Variants in PARD3B observed in about 807,000 individuals in gnomAD.
The protein encoded by PARD3B is par-3 family cell polarity regulator beta.
A neutral mutation model predicts 130.2 loss-of-function variants in PARD3B; 103 were observed. The observed-to-expected ratio is 0.79, with a 90% CI of 0.67 to 0.93. PARD3B has a LOEUF of 0.93. PARD3B is among the 40% of genes least tolerant of loss of function. The pLI, the probability that PARD3B is intolerant of heterozygous loss-of-function variation, is 0.00. For missense variants in PARD3B, 1,609 were observed against 1,499.2 expected, an observed-to-expected ratio of 1.07 and a Z score of -1.21; for synonymous variants, 583 against 553.2, an observed-to-expected ratio of 1.05 and a Z score of -0.76.
intron 19 of PARD3B, among the ~76,000 whole-genome samples, chr2:205,438,639 C>T (rs1490412774): frequency 6.6e-6 from 1 of 152,238 alleles, no homozygotes; most frequent in South Asian, 2.1e-4. Flanking sequence ...TCTTCTTTAT[C>T]AAAAATTACT....
At chr2:204,852,657 G>A (rs2044757502) in intron 2 of PARD3B, among the ~76,000 whole-genome samples, 1 of 150,932 alleles carries the variant, frequency 6.6e-6, no homozygotes, top group African/African-American at 2.5e-5. Context: ...GTCTTAATGT[G>A]CTTGAGACAT....
At chr2:204,913,389 A>G (rs1347932772) in intron 2 of PARD3B, among the ~76,000 whole-genome samples, 1 of 152,162 alleles carries the variant, frequency 6.6e-6, no homozygotes, top group African/African-American at 2.4e-5. Context: ...TGCTGACCTT[A>G]TATGACTTTT....
rs555501210 is a variant in PARD3B at position 205,039,966 on chromosome 2, G to A, written c.395-7615G>A. Among the ~76,000 whole-genome samples the A allele has an allele frequency of 2.0e-5, 3 of 151,806 alleles. No individual in the cohort carries two copies. In the South Asian group the frequency reaches 6.2e-4, roughly 31 times the overall value. ...GCTTCAGTTCTTTTTTTTGTTTGTT[G>A]TGTTTGTTTGTTTTTGAGACAGAGT... is the stretch of plus-strand genomic sequence containing the variant. On this transcript the variant is annotated intron_variant, in intron 3 of 22. Coordinates refer to ENST00000406610, the MANE Select transcript of PARD3B (RefSeq NM_001302769.2).
chr2:205,505,403 A>AATAAT (rs1218911853), intron 21 of PARD3B, among the ~76,000 whole-genome samples: 7 of 151,960 alleles, frequency 4.6e-5, no homozygotes, highest in Admixed American at 1.3e-4. Flanking sequence ...AATAAAATAA[A>AATAAT]ATAAAATAAA....
At chr2:205,153,900 A>T (rs182335517) in intron 10 of PARD3B, among the ~76,000 whole-genome samples, 1 of 152,354 alleles carries the variant, frequency 6.6e-6, no homozygotes, top group Admixed American at 6.5e-5. Flanking sequence ...TTAATTCAAG[A>T]TGGATTAAAG....
At position 204,611,727 on chromosome 2, in the gene PARD3B, C is replaced by A. The variant is rs1356318176; in HGVS notation, c.120+65608C>A. Among the ~76,000 whole-genome samples, 4 of 152,292 alleles carry A rather than the reference C, an allele frequency of 2.6e-5. No homozygotes were observed. The East Asian group carries it at 7.7e-4, about 29-fold the overall frequency. ...ATATACATGTATGGACTAATTCGGA[C>A]AAAGTCTCCAATTATTTTAAAATAT... is the stretch of plus-strand genomic sequence containing the variant. On this transcript the variant is annotated intron_variant, in intron 1 of 22. Coordinates refer to ENST00000406610, the MANE Select transcript of PARD3B (RefSeq NM_001302769.2).
intron 4 of PARD3B, among the ~76,000 whole-genome samples, chr2:205,070,224 T>C (rs149911774): frequency 6.6e-6 from 1 of 152,266 alleles, no homozygotes; most frequent in East Asian, 1.9e-4. Context: ...AAAACTTAAA[T>C]ATGTATCTAA....
intron 1 of PARD3B, among the ~76,000 whole-genome samples, chr2:204,629,433 G>A (rs951490186): frequency 6.6e-5 from 10 of 152,202 alleles, no homozygotes; most frequent in East Asian, 1.9e-4. Flanking sequence ...CATGAATTCA[G>A]TCATCTTCAA....
At chr2:205,222,118 T>C (rs1304059883) in intron 15 of PARD3B, among the ~76,000 whole-genome samples, 2 of 149,580 alleles carry the variant, frequency 1.3e-5, no homozygotes, top group Non-Finnish European at 3.0e-5. Context: ...GAAAAAAAAA[T>C]CCCAGTAATT....
chr2:205,091,501 A>G lies in PARD3B; in HGVS notation c.505-12925A>G, dbSNP rs533564363. 3.6e-3 allele frequency among the ~76,000 whole-genome samples: 544 copies of G among 152,294 alleles called. 3 individuals carry two copies. Among genetic ancestry groups the G allele is most frequent in the Non-Finnish European group, 5.8e-3 (395 of 68,022 alleles). On this transcript the variant is annotated intron_variant, in intron 4 of 22. Coordinates refer to ENST00000406610, the MANE Select transcript of PARD3B (RefSeq NM_001302769.2). The surrounding 1 kb of genome is among the most constrained non-coding windows in gnomAD (Gnocchi z 4.2). ...ACTCAGGCTTGTTGTTGTTGTTTCTAGCAACCACCACCTCTCCTATTTAGA... is the reference window on the plus strand; with the variant it reads ...ACTCAGGCTTGTTGTTGTTGTTTCTGGCAACCACCACCTCTCCTATTTAGA...
intron 18 of PARD3B, among the ~76,000 whole-genome samples, chr2:205,304,157 G>T (rs2042107502): frequency 6.6e-6 from 1 of 152,116 alleles, no homozygotes; most frequent in South Asian, 2.1e-4. Flanking sequence ...AATCCTCTTA[G>T]CAGTGAGCCT....
At chr2:205,194,818 CTGT>C (rs2036583313) in intron 15 of PARD3B, among the ~76,000 whole-genome samples, 1 of 151,976 alleles carries the variant, frequency 6.6e-6, no homozygotes, top group Admixed American at 6.6e-5. Flanking sequence ...GAGTCTCGCT[CTGT>C]CACCCAGGAT....
intron 14 of PARD3B, among the ~76,000 whole-genome samples, chr2:205,189,873 G>T (rs2036298891): frequency 6.7e-6 from 1 of 148,270 alleles, no homozygotes; most frequent in South Asian, 2.1e-4. Context: ...GCAAAGGGGG[G>T]GCCCTTTTAT....
intron 21 of PARD3B, among the ~76,000 whole-genome samples, chr2:205,500,739 C>T (rs1229418224): frequency 2.0e-5 from 3 of 152,178 alleles, no homozygotes; most frequent in African/African-American, 7.2e-5. Flanking sequence ...GCATGCACAT[C>T]AGATACATAG....
At chr2:205,480,967 T>C (rs1368660964) in intron 20 of PARD3B, among the ~76,000 whole-genome samples, 1 of 152,066 alleles carries the variant, frequency 6.6e-6, no homozygotes, top group African/African-American at 2.4e-5. Context: ...GACAGACTCC[T>C]GGGGCTGTGA....
intron 10 of PARD3B, among the ~76,000 whole-genome samples, chr2:205,157,028 T>A (rs1305666367): frequency 1.3e-5 from 2 of 152,226 alleles, no homozygotes; most frequent in Non-Finnish European, 2.9e-5. Context: ...TTCTTGTCTC[T>A]TTGTCTCTGA....
chr2:205,035,328 A>C (rs1165330700), intron 3 of PARD3B, among the ~76,000 whole-genome samples: 1 of 152,152 alleles, frequency 6.6e-6, no homozygotes. Context: ...TGTAACTATG[A>C]AACTGCTACA....
At chr2:204,927,860 GTAGATAGA>G (rs199752520) in intron 2 of PARD3B, among the ~76,000 whole-genome samples, 9 of 151,998 alleles carry the variant, frequency 5.9e-5, no homozygotes, top group African/African-American at 2.2e-4. Flanking sequence ...AGGTAGGTAG[GTAGATAGA>G]TAGATAGAGA....
chr2:204,875,113 C>A (rs1293600055), intron 2 of PARD3B, among the ~76,000 whole-genome samples: 1 of 152,098 alleles, frequency 6.6e-6, no homozygotes, highest in African/African-American at 2.4e-5. Flanking sequence ...ATATAACTTA[C>A]ATACCAAGAA....
Sources: gnomAD v4.1 joint callset for allele counts (sites outside exome capture counted in the v4.1 genomes callset) on GRCh38, gnomAD v4.1.1 for gene constraint, Gnocchi (gnomAD v3.1) non-coding constraint, MANE v1.5 for transcripts, NCBI Gene and HGNC (gene_info 2026-07-23, HGNC 2026-07-21) for gene names.